EDEM3: variants seen among roughly 807,000 people sequenced by gnomAD.
EDEM3 encodes the protein ER degradation enhancing alpha-mannosidase like protein 3, also known as ER degradation-enhancing alpha-mannosidase-like protein 3.
Under a neutral mutation model 110.2 loss-of-function variants are expected in EDEM3, and 60 were observed. The observed-to-expected ratio is 0.54, with a 90% CI of 0.44 to 0.67. The LOEUF (loss-of-function observed/expected upper bound fraction) is 0.67, where lower values mean the gene tolerates loss of function less well. Ranked by LOEUF, EDEM3 falls within the 30% of genes least tolerant of loss-of-function variation. The pLI, the probability that EDEM3 is intolerant of heterozygous loss-of-function variation, is 0.00. For missense variants in EDEM3, 996 were observed against 1,121.0 expected (o/e 0.89, Z 1.59); for synonymous variants, 352 against 382.9 (o/e 0.92, Z 0.94).
chr1:184,738,313 GAAGTT>G (rs1289978912), intron 2 of EDEM3, among the ~76,000 whole-genome samples: 1 of 152,126 alleles, frequency 6.6e-6, no homozygotes, highest in Non-Finnish European at 1.5e-5. Context: ...GAGGCCCAGA[GAAGTT>G]AAGTAAGCCT....
intron 6 of EDEM3, among the ~76,000 whole-genome samples, chr1:184,728,575 C>T (rs1651319099): frequency 6.6e-6 from 1 of 151,654 alleles, no homozygotes; most frequent in Non-Finnish European, 1.5e-5. Flanking sequence ...ATCTTGTATC[C>T]TTCCTGAAGA....
chr1:184,723,693 T>C (rs1447551591), intron 8 of EDEM3, 58 bp downstream of exon 8: 2 of 1,274,526 alleles, frequency 1.6e-6, no homozygotes, highest in South Asian at 2.6e-5. Flanking sequence ...GAAAATTCTT[T>C]ATTTCCCAAC....
rs1004367509 is a variant in EDEM3 at position 184,729,111 on chromosome 1, T to C, written c.613-2722A>G. ...TTTAGAGATGGCACTGGTAGCAGTATATATTACTGCAGAAATTAGTAATAA... is the reference window on the plus strand; with the variant it reads ...TTTAGAGATGGCACTGGTAGCAGTACATATTACTGCAGAAATTAGTAATAA... On this transcript the variant is annotated intron_variant, in intron 6 of 19. Transcript: ENST00000318130. Among the ~76,000 whole-genome samples, 5 of 152,090 alleles carry C rather than the reference T, an allele frequency of 3.3e-5. No individual in the cohort carries two copies. In the South Asian group the frequency reaches 1.0e-3, roughly 32 times the overall value.
chr1:184,734,275 C>G (rs969634214), intron 5 of EDEM3, among the ~76,000 whole-genome samples: 1 of 152,136 alleles, frequency 6.6e-6, no homozygotes, highest in Admixed American at 6.5e-5. Flanking sequence ...TCGGGACCAG[C>G]CTGGCCATCA....
At chr1:184,737,836 T>C (rs538984430) in intron 2 of EDEM3, 125 bp from the exon 3 acceptor site, 3 of 778,174 alleles carry the variant, frequency 3.9e-6, no homozygotes. Context: ...ATTTACACCC[T>C]GTGGAATCTT....
intron 12 of EDEM3, 58 bp downstream of exon 12, chr1:184,717,482 A>G (rs1650615248): frequency 7.2e-7 from 1 of 1,383,134 alleles, no homozygotes; most frequent in Non-Finnish European, 1.0e-6. Context: ...TGAAAGAATG[A>G]GAGATCCAAC....
intron 4 of EDEM3, among the ~76,000 whole-genome samples, chr1:184,736,459 C>T (rs906061920): frequency 6.6e-6 from 1 of 151,976 alleles, no homozygotes; most frequent in Non-Finnish European, 1.5e-5. Flanking sequence ...GAGTAAAAAA[C>T]TAAAAAGATA....
chr1:184,749,986 C>T (rs188186158), intron 1 of EDEM3, among the ~76,000 whole-genome samples: 2 of 152,218 alleles, frequency 1.3e-5, no homozygotes, highest in Admixed American at 1.3e-4. Flanking sequence ...TTTAAAAAAA[C>T]CATTATTATT....
chr1:184,743,317 C>G (rs1652246212), intron 2 of EDEM3, among the ~76,000 whole-genome samples: 1 of 152,034 alleles, frequency 6.6e-6, no homozygotes, highest in South Asian at 2.1e-4. Flanking sequence ...ACAGTAATAC[C>G]TCCTCTCTCT....
At chr1:184,697,627 A>T (rs1007240421) in intron 19 of EDEM3, among the ~76,000 whole-genome samples, 1 of 151,828 alleles carries the variant, frequency 6.6e-6, no homozygotes. Context: ...TGCTTCATAA[A>T]TGGTATTTAG....
intron 2 of EDEM3, among the ~76,000 whole-genome samples, chr1:184,741,812 T>C (rs1571415702): frequency 3.3e-5 from 5 of 152,350 alleles, no homozygotes; most frequent in African/African-American, 2.4e-5. Flanking sequence ...TTTTGCCTTA[T>C]TGGAAGAAAA....
chr1:184,752,041 C>T (rs977273640), intron 1 of EDEM3, among the ~76,000 whole-genome samples: 5 of 152,212 alleles, frequency 3.3e-5, no homozygotes, highest in African/African-American at 1.2e-4. Flanking sequence ...GCATGAGCCA[C>T]CATGCCAGGC....
chr1:184,719,103 CGTGTGTGTGTGT>C (rs111917956), intron 11 of EDEM3, 47 bp downstream of exon 11: 1 of 861,400 alleles, frequency 1.2e-6, no homozygotes, highest in East Asian at 2.7e-5. Context: ...TATATGTGTA[CGTGTGTGTGTGT>C]GTGTGTTTGT....
intron 2 of EDEM3, among the ~76,000 whole-genome samples, chr1:184,749,140 G>C (rs939457057): frequency 3.3e-5 from 5 of 152,174 alleles, no homozygotes. Context: ...AATTAGGACA[G>C]AGGCTAAGTA....
intron 6 of EDEM3, among the ~76,000 whole-genome samples, chr1:184,727,139 A>G (rs1459282287): frequency 6.6e-6 from 1 of 152,218 alleles, no homozygotes; most frequent in East Asian, 1.9e-4. Context: ...TAAAAATACA[A>G]AAATCAGCCA....
chr1:184,712,706 A>C, intron 13 of EDEM3, 108 bp from the exon 14 acceptor site: 1 of 699,566 alleles, frequency 1.4e-6, no homozygotes. Flanking sequence ...ACCAACTTAG[A>C]TGTTCAAAGA....
intron 19 of EDEM3, among the ~76,000 whole-genome samples, chr1:184,694,859 CAG>C (rs1286355883): frequency 2.0e-5 from 3 of 151,944 alleles, no homozygotes; most frequent in South Asian, 2.1e-4. Context: ...ACATATTAAA[CAG>C]AATCAATTTT....
At position 184,726,393 on chromosome 1, in the gene EDEM3, A is replaced by G. The variant is rs1417894212; in HGVS notation, c.613-4T>C. ...TGATGCCAAACTTTAAATTAATCTG[A>G]ATACAATTAGAAAATTGTCATTAGC... is the stretch of plus-strand genomic sequence containing the variant. On this transcript the variant is annotated splice_polypyrimidine_tract_variant and splice_region_variant and intron_variant, in intron 6 of 19. Transcript: ENST00000318130. The G allele has an allele frequency of 1.2e-6, 2 of 1,611,982 alleles. No homozygotes were observed. The highest frequency in any genetic ancestry group is 1.3e-5 in the African/African-American group (1 of 74,848).
chr1:184,711,902 A>C (rs2102073172), intron 14 of EDEM3, 25 bp from the exon 15 acceptor site: 1 of 1,551,094 alleles, frequency 6.4e-7, no homozygotes, highest in Non-Finnish European at 8.7e-7. Context: ...CATTTTATGT[A>C]AACAGAAATA....
Sources: gnomAD v4.1 joint callset for allele counts (sites outside exome capture counted in the v4.1 genomes callset) on GRCh38, gnomAD v4.1.1 for gene constraint, MANE v1.5 for transcripts, NCBI Gene and HGNC (gene_info 2026-07-23, HGNC 2026-07-21) for gene names.